KIF26B: variants seen among roughly 807,000 people sequenced by gnomAD.
KIF26B encodes the protein kinesin family member 26B.
A neutral mutation model predicts 151.2 loss-of-function variants in KIF26B; 63 were observed. The ratio of observed to expected loss-of-function variants is 0.42; its 90% CI spans 0.34 to 0.51. The LOEUF (loss-of-function observed/expected upper bound fraction) is 0.51, where lower values mean the gene tolerates loss of function less well. Among genes scored for constraint, KIF26B ranks in the 20% least tolerant of loss-of-function variants. The pLI is 0.07. For synonymous variants in KIF26B, 1,357 were observed against 1,262.1 expected (o/e 1.08, Z -1.59); for missense variants, 2,813 against 2,913.6 (o/e 0.97, Z 0.79).
At position 245,272,489 on chromosome 1, in the gene KIF26B, CTAT is replaced by C. The variant is rs200915375; in HGVS notation, c.466-94343_466-94341del. Reference sequence around the variant, plus strand: ...GTCTTGGTTTGGTTGTTTCTTTTTTCTATTGTTTTTATATTTTCTATTTCATTT... The same window carrying C: ...GTCTTGGTTTGGTTGTTTCTTTTTTCTGTTTTTATATTTTCTATTTCATTT... On this transcript the variant is annotated intron_variant, in intron 2 of 14. Transcript: ENST00000407071. Among the ~76,000 whole-genome samples the C allele has an allele frequency of 7.5e-3, 1,102 of 147,490 alleles. 22 individuals carry two copies. The highest frequency in any genetic ancestry group is 0.026 in the African/African-American group (1,049 of 39,772).
At chr1:245,510,107 T>C (rs192366229) in intron 4 of KIF26B, among the ~76,000 whole-genome samples, 4 of 152,248 alleles carry the variant, frequency 2.6e-5, no homozygotes, top group African/African-American at 4.8e-5. Context: ...TCTTCTCTTT[T>C]GGGGGTTTCT....
chr1:245,270,208 T>C (rs1206577822), intron 2 of KIF26B, among the ~76,000 whole-genome samples: 20 of 125,502 alleles, frequency 1.6e-4, no homozygotes, highest in South Asian at 5.3e-4. Flanking sequence ...TCCCTTCCCT[T>C]TCTTCTTCCC....
chr1:245,377,095 A>G (rs1210432476), intron 3 of KIF26B, among the ~76,000 whole-genome samples: 2 of 152,098 alleles, frequency 1.3e-5, no homozygotes, highest in African/African-American at 4.8e-5. Context: ...TTGTACTTTT[A>G]GTAGAGACAG....
At chr1:245,638,990 G>T (rs571740398) in intron 9 of KIF26B, among the ~76,000 whole-genome samples, 2 of 151,934 alleles carry the variant, frequency 1.3e-5, no homozygotes, top group African/African-American at 2.4e-5. Context: ...TGGCCTTGTA[G>T]AATGAGTTTG....
intron 10 of KIF26B, among the ~76,000 whole-genome samples, chr1:245,666,578 T>C (rs749420336): frequency 3.3e-5 from 5 of 152,096 alleles, no homozygotes; most frequent in Non-Finnish European, 5.9e-5. Context: ...TTCTGTGTGT[T>C]ACTGCAAAGG....
At chr1:245,491,769 G>T (rs993162938) in intron 4 of KIF26B, among the ~76,000 whole-genome samples, 1 of 152,144 alleles carries the variant, frequency 6.6e-6, no homozygotes, top group Non-Finnish European at 1.5e-5. Flanking sequence ...TTACCCAGGC[G>T]TGGTGGCGGG....
intron 2 of KIF26B, among the ~76,000 whole-genome samples, chr1:245,331,900 C>A (rs1388067554): frequency 6.6e-6 from 1 of 151,956 alleles, no homozygotes; most frequent in Non-Finnish European, 1.5e-5. Context: ...GCGAGGTGGG[C>A]AGATCACTTG....
chr1:245,425,595 C>T (rs1270239877), intron 4 of KIF26B, among the ~76,000 whole-genome samples: 1 of 152,074 alleles, frequency 6.6e-6, no homozygotes, highest in East Asian at 1.9e-4. Flanking sequence ...TTAGTAGAGA[C>T]GGGGTTTCAC....
In KIF26B at chr1:245,608,399, C is replaced by T. The variant is rs115744749; in HGVS notation, c.1651+655C>T. Among the ~76,000 whole-genome samples, 437 of 152,328 alleles carry T rather than the reference C, an allele frequency of 2.9e-3. 2 individuals are homozygous for T. Among genetic ancestry groups the T allele is most frequent in the Non-Finnish European group, 4.4e-3 (299 of 68,042 alleles). Reference sequence around the variant, plus strand: ...CCCTTGGCAGAGATTCCAACAGAGGCCTTGCTGGAGCTCACAGAGGCCAGT... The same window carrying T: ...CCCTTGGCAGAGATTCCAACAGAGGTCTTGCTGGAGCTCACAGAGGCCAGT... On this transcript the variant is annotated intron_variant, in intron 7 of 14. Coordinates refer to ENST00000407071, the MANE Select transcript of KIF26B (RefSeq NM_018012.4).
At chr1:245,251,330 T>A (rs1382943872) in intron 2 of KIF26B, among the ~76,000 whole-genome samples, 1 of 152,220 alleles carries the variant, frequency 6.6e-6, no homozygotes, top group African/African-American at 2.4e-5. Context: ...AGAGTCAACC[T>A]TGCAGGCAGG....
chr1:245,631,865 T>G (rs1259888060), intron 9 of KIF26B, among the ~76,000 whole-genome samples: 2 of 152,198 alleles, frequency 1.3e-5, no homozygotes, highest in Non-Finnish European at 2.9e-5. Context: ...TGTTCGTGTG[T>G]AGTTCTTCAT....
At chr1:245,403,595 T>TG (rs891025300) in intron 3 of KIF26B, among the ~76,000 whole-genome samples, 15 of 148,052 alleles carry the variant, frequency 1.0e-4, no homozygotes, top group Admixed American at 6.1e-4. Context: ...TGTGTGTGCA[T>TG]GGGGGGTGTG....
intron 2 of KIF26B, among the ~76,000 whole-genome samples, chr1:245,210,999 T>C (rs927488002): frequency 6.6e-6 from 1 of 152,216 alleles, no homozygotes; most frequent in Non-Finnish European, 1.5e-5. Context: ...ACCAAAAATA[T>C]ATCCCTCAGG....
chr1:245,585,692 G>C (rs924597625), intron 5 of KIF26B, among the ~76,000 whole-genome samples: 24 of 152,190 alleles, frequency 1.6e-4, no homozygotes, highest in Admixed American at 3.9e-4. Context: ...ATCTGTCTCT[G>C]ATTCTTTCCA....
At chr1:245,391,613 G>GCA (rs1673702370) in intron 3 of KIF26B, among the ~76,000 whole-genome samples, 1 of 148,106 alleles carries the variant, frequency 6.8e-6, no homozygotes, top group Non-Finnish European at 1.5e-5. Context: ...CCAAGATCAT[G>GCA]CCACGGCACT....
intron 4 of KIF26B, among the ~76,000 whole-genome samples, chr1:245,449,698 G>C (rs866147428): frequency 1.3e-5 from 2 of 152,144 alleles, no homozygotes; most frequent in Non-Finnish European, 2.9e-5. Flanking sequence ...TTCTATTTTA[G>C]TCTAGATTAT....
chr1:245,501,989 C>T (rs1660631574), intron 4 of KIF26B, among the ~76,000 whole-genome samples: 1 of 152,180 alleles, frequency 6.6e-6, no homozygotes, highest in Non-Finnish European at 1.5e-5. Flanking sequence ...TTCATACAAA[C>T]CAATGAAGGC....
intron 12 of KIF26B, among the ~76,000 whole-genome samples, chr1:245,691,962 T>A (rs1009899351): frequency 1.3e-5 from 2 of 152,208 alleles, no homozygotes; most frequent in African/African-American, 4.8e-5. Flanking sequence ...TTGAGCTGTG[T>A]GACCTTTGGG....
intron 10 of KIF26B, among the ~76,000 whole-genome samples, chr1:245,658,943 T>C (rs560242901): frequency 6.8e-4 from 104 of 152,120 alleles, no homozygotes; most frequent in Admixed American, 6.2e-3. Flanking sequence ...ATCTAGATAA[T>C]GATAGAGGGC....
Sources: allele counts gnomAD v4.1 joint callset (sites outside exome capture counted in the v4.1 genomes callset), GRCh38; gene constraint gnomAD v4.1.1; transcripts MANE v1.5; gene names NCBI Gene and HGNC (gene_info 2026-07-23, HGNC 2026-07-21).